The following SLC8A3 variants were observed in gnomAD, a reference collection of about 807,000 sequenced individuals.
SLC8A3 encodes the protein sodium/calcium exchanger 3.
Under a neutral mutation model 65.4 loss-of-function variants are expected in SLC8A3, and 37 were observed. That is an observed-to-expected ratio of 0.57 (90% CI 0.44 to 0.74). The LOEUF (loss-of-function observed/expected upper bound fraction) is 0.74. SLC8A3 is among the 30% of genes least tolerant of loss of function. SLC8A3 has a pLI of 0.00. For synonymous variants in SLC8A3, 461 were observed against 444.5 expected, an observed-to-expected ratio of 1.04 and a Z score of -0.47; for missense variants, 1,112 against 1,172.1, an observed-to-expected ratio of 0.95 and a Z score of 0.75.
intron 1 of SLC8A3, among the ~76,000 whole-genome samples, chr14:70,171,263 G>A (rs1021639415): frequency 3.3e-5 from 5 of 152,194 alleles, no homozygotes; most frequent in Non-Finnish European, 7.3e-5. Context: ...CGGTCTTCCA[G>A]AGTGAAAGGA....
At chr14:70,164,550 T>C (rs1396666641) in intron 2 of SLC8A3, among the ~76,000 whole-genome samples, 1 of 152,142 alleles carries the variant, frequency 6.6e-6, no homozygotes, top group Non-Finnish European at 1.5e-5. Context: ...ACCAAGATAT[T>C]ATACAAACTG....
intron 2 of SLC8A3, among the ~76,000 whole-genome samples, chr14:70,109,726 G>A (rs1893149199): frequency 6.6e-6 from 1 of 152,114 alleles, no homozygotes; most frequent in Non-Finnish European, 1.5e-5. Context: ...AAAGTGCTGA[G>A]ATTACAGGTT....
chr14:70,124,373 T>C (rs115621196), intron 2 of SLC8A3, among the ~76,000 whole-genome samples: 19 of 152,358 alleles, frequency 1.2e-4, no homozygotes, highest in African/African-American at 4.1e-4. Context: ...ATCTGACATC[T>C]TTCACTGTCT....
At chr14:70,052,232 G>T in intron 3 of SLC8A3, 118 bp from the exon 4 acceptor site, 1 of 1,275,808 alleles carries the variant, frequency 7.8e-7, no homozygotes, top group Non-Finnish European at 1.0e-6. Flanking sequence ...GGAATGGGGA[G>T]TTTATATATA....
intron 3 of SLC8A3, among the ~76,000 whole-genome samples, chr14:70,055,491 A>G (rs1430308231): frequency 3.3e-5 from 5 of 152,168 alleles, no homozygotes; most frequent in African/African-American, 4.8e-5. Flanking sequence ...ATTAAGACTC[A>G]GGAGAAGTCT....
chr14:70,136,052 A>G (rs185204945), intron 2 of SLC8A3, among the ~76,000 whole-genome samples: 1 of 152,318 alleles, frequency 6.6e-6, no homozygotes, highest in Admixed American at 6.5e-5. Context: ...AAATAAATAA[A>G]TGAATAAATA....
intron 1 of SLC8A3, among the ~76,000 whole-genome samples, chr14:70,183,227 T>A (rs1882908784): frequency 4.6e-5 from 7 of 152,226 alleles, no homozygotes; most frequent in Admixed American, 3.9e-4. Context: ...CTATTTGGTC[T>A]GTTCCAAATT....
intron 2 of SLC8A3, among the ~76,000 whole-genome samples, chr14:70,141,728 C>T (rs1011709716): frequency 6.6e-5 from 10 of 152,122 alleles, no homozygotes; most frequent in Admixed American, 2.6e-4. Flanking sequence ...AAGGAAATAG[C>T]GTTTAGTTTT....
intron 2 of SLC8A3, among the ~76,000 whole-genome samples, chr14:70,106,517 TG>T (rs1892884519): frequency 6.6e-6 from 1 of 152,160 alleles, no homozygotes; most frequent in South Asian, 2.1e-4. Context: ...TAATTAACTC[TG>T]TTTTACTTAT....
intron 2 of SLC8A3, among the ~76,000 whole-genome samples, chr14:70,075,590 G>A (rs537547550): frequency 5.3e-5 from 8 of 152,154 alleles, no homozygotes; most frequent in Admixed American, 2.6e-4. Context: ...GCTTGGAACC[G>A]TCTTCTCTGC....
intron 2 of SLC8A3, chr14:70,080,013 C>G: frequency 1.2e-6 from 1 of 817,346 alleles, no homozygotes; most frequent in Non-Finnish European, 1.5e-6. Flanking sequence ...TGATAACATT[C>G]ACATTGGGTT....
Position 70,045,724 on chromosome 14 carries a change from C to T in SLC8A3, c.*223G>A, listed in dbSNP as rs61977410. 105,307 of 424,194 alleles carry T rather than the reference C, an allele frequency of 0.25. 14,501 individuals are homozygous for T. The highest frequency in any genetic ancestry group is 0.35 in the African/African-American group (17,682 of 51,070). 26.3% of individuals were successfully genotyped at this position (424,194 alleles called of 1,614,324 possible). On this transcript the variant is annotated 3_prime_UTR_variant, in exon 7 of 7. Coordinates refer to ENST00000356921, the MANE Select transcript of SLC8A3 (RefSeq NM_182932.3). ...TTTGTTGCTGTTGCTTGTTTGTATT[C>T]AATTAAATACTGTGTAAAGTCGGTG...
chr14:70,131,621 T>A (rs904286215), intron 2 of SLC8A3, among the ~76,000 whole-genome samples: 1 of 152,230 alleles, frequency 6.6e-6, no homozygotes, highest in African/African-American at 2.4e-5. Flanking sequence ...GTTGTATAAT[T>A]CAAGTGCTCC....
intron 2 of SLC8A3, among the ~76,000 whole-genome samples, chr14:70,079,454 G>T (rs1219079033): frequency 6.6e-6 from 1 of 151,848 alleles, no homozygotes; most frequent in Admixed American, 6.6e-5. Flanking sequence ...CGTGAGCTGA[G>T]ATGGTGCCAC....
intron 1 of SLC8A3, among the ~76,000 whole-genome samples, 194 bp downstream of exon 1, chr14:70,188,185 G>A (rs1266355181): frequency 1.3e-5 from 2 of 152,106 alleles, no homozygotes; most frequent in African/African-American, 2.4e-5. Flanking sequence ...ACTTTCCGGG[G>A]CACCCTCACC....
In SLC8A3 at chr14:70,045,940, G is replaced by A; in HGVS notation, c.*7C>T. On this transcript the variant is annotated 3_prime_UTR_variant, in exon 7 of 7. Transcript: ENST00000356921. Reference sequence around the variant, plus strand: ...GGCCTGCCCTGCTGGAGGCTCTGTTGTGTGGCTTAGAACCCCTTGATGTAG... The same window carrying A: ...GGCCTGCCCTGCTGGAGGCTCTGTTATGTGGCTTAGAACCCCTTGATGTAG... The A allele has an allele frequency of 1.3e-6, 2 of 1,576,404 alleles. No homozygotes were observed. Among genetic ancestry groups the A allele is most frequent in the African/African-American group, 2.7e-5 (2 of 74,130 alleles).
intron 2 of SLC8A3, among the ~76,000 whole-genome samples, chr14:70,140,172 T>C (rs1895471990): frequency 6.6e-6 from 1 of 152,204 alleles, no homozygotes; most frequent in South Asian, 2.1e-4. Flanking sequence ...CATTAAGGTA[T>C]GAGCTGAAAG....
intron 2 of SLC8A3, among the ~76,000 whole-genome samples, chr14:70,082,318 G>T (rs576009057): frequency 6.6e-6 from 1 of 152,202 alleles, no homozygotes; most frequent in East Asian, 1.9e-4. Context: ...AAGCTTTTAG[G>T]TAATCCAGCA....
In SLC8A3 at chr14:70,178,964, G is replaced by A. The variant is rs186932379; in HGVS notation, c.-63+9415C>T. On this transcript the variant is annotated intron_variant, in intron 1 of 6. Coordinates refer to ENST00000356921, the MANE Select transcript of SLC8A3 (RefSeq NM_182932.3). ...TTTCTGTGGCACCCCACCCCCTACT[G>A]ACTTCTCATCTAGCTTCTAACTTGC... Among the ~76,000 whole-genome samples, 237 of 152,134 alleles carry A rather than the reference G, an allele frequency of 1.6e-3. 2 individuals carry two copies. Among genetic ancestry groups the A allele is most frequent in the African/African-American group, 5.1e-3 (213 of 41,490 alleles).
Sources: gnomAD v4.1 joint callset for allele counts (sites outside exome capture counted in the v4.1 genomes callset) on GRCh38, gnomAD v4.1.1 for gene constraint, MANE v1.5 for transcripts, NCBI Gene and HGNC (gene_info 2026-07-23, HGNC 2026-07-21) for gene names.